RYR1: variants seen among roughly 807,000 people sequenced by gnomAD.
RYR1 encodes the protein central core disease of muscle.
A neutral mutation model predicts 583.5 loss-of-function variants in RYR1; 342 were observed. The observed-to-expected ratio is 0.59, with a 90% CI of 0.54 to 0.64. RYR1 has a LOEUF of 0.64. Ranked by LOEUF, RYR1 falls within the 30% of genes least tolerant of loss-of-function variation. RYR1 has a pLI of 0.00. For synonymous variants in RYR1, 2,791 were observed against 2,822.5 expected, an observed-to-expected ratio of 0.99 and a Z score of 0.35; for missense variants, 6,032 against 6,917.2, an observed-to-expected ratio of 0.87 and a Z score of 4.54.
At chr19:38,493,511 TTTTCG>T (rs1256279345) in intron 38 of RYR1, among the ~76,000 whole-genome samples, 2 of 147,172 alleles carry the variant, frequency 1.4e-5, no homozygotes, top group Non-Finnish European at 3.0e-5. Flanking sequence ...TTCTTTTTCT[TTTTCG>T]TTTTTTTTTT....
At position 38,468,962 on chromosome 19, in the gene RYR1, A is replaced by C. The variant is rs758050263; in HGVS notation, c.3382-4A>C. On this transcript the variant is annotated splice_region_variant and splice_polypyrimidine_tract_variant and intron_variant, in intron 25 of 105. Coordinates refer to ENST00000359596, the MANE Select transcript of RYR1 (RefSeq NM_000540.3). ...CACCATGTCTTCTCTGGCTGTCCTCACAGGGCCAGCGCTGGCACTTGGGCA... is the reference window on the plus strand; with the variant it reads ...CACCATGTCTTCTCTGGCTGTCCTCCCAGGGCCAGCGCTGGCACTTGGGCA... 1 of 1,613,556 alleles carries C rather than the reference A, an allele frequency of 6.2e-7. No individual in the cohort carries two copies. The highest frequency in any genetic ancestry group is 8.5e-7 in the Non-Finnish European group (1 of 1,179,892).
At chr19:38,453,159 CG>C in intron 13 of RYR1, 145 bp downstream of exon 13, 2 of 627,092 alleles carry the variant, frequency 3.2e-6, no homozygotes, top group East Asian at 7.8e-5. Flanking sequence ...GAGAAGGAGC[CG>C]GACAGGAACC....
Position 38,486,007 on chromosome 19 carries a change from C to A in RYR1, c.5352C>A (p.Ala1784=), listed in dbSNP as rs373382967. Residue 1784 remains alanine, a synonymous_variant, in exon 34 of 106, where the codon GCC becomes GCA. Transcript: ENST00000359596. ...ATTTCTCGCCCCCCTGTTTCGTGGC[C>A]GCTCTGCCAGCTGCTGGGGCAGCAG... ...PHHFSPPCFV[A]ALPAAGAAEA... is the part of the protein sequence containing the mutation. 15 of 1,613,394 alleles carry A rather than the reference C, an allele frequency of 9.3e-6. No homozygotes were observed. The African/African-American group carries it at 2.0e-4, about 22-fold the overall frequency.
In RYR1 at chr19:38,506,466, C is replaced by T. The variant is rs201663014; in HGVS notation, c.8617-5C>T. ...TCTAGCCCTTGACTCTGCATCCACT[C>T]CCAGGCCATGGCAGAACAACTGGCA... On this transcript the variant is annotated splice_region_variant and splice_polypyrimidine_tract_variant and intron_variant, in intron 55 of 105. Transcript: ENST00000359596. The T allele has an allele frequency of 1.4e-5, 22 of 1,614,076 alleles. No individual in the cohort carries two copies. The highest frequency in any genetic ancestry group is 1.8e-5 in the Non-Finnish European group (21 of 1,180,010).
At chr19:38,510,333 A>G (rs1970671076) in intron 58 of RYR1, among the ~76,000 whole-genome samples, 165 bp from the exon 59 acceptor site, 2 of 152,250 alleles carry the variant, frequency 1.3e-5, no homozygotes, top group South Asian at 2.1e-4. Context: ...GGGGAATCAG[A>G]TGAAAGATAG....
chr19:38,440,217 A>G (rs1452491265), intron 1 of RYR1, among the ~76,000 whole-genome samples: 1 of 152,210 alleles, frequency 6.6e-6, no homozygotes, highest in Non-Finnish European at 1.5e-5. Context: ...GCTTGAGTCC[A>G]GGAGGTCAAG....
intron 33 of RYR1, among the ~76,000 whole-genome samples, chr19:38,484,353 C>CTCTT (rs113862758): frequency 0.024 from 3,647 of 151,266 alleles, 48 homozygotes; most frequent in Admixed American, 0.035. Context: ...TCTGACATGC[C>CTCTT]TCTTTCTTTC....
At position 38,463,276 on chromosome 19, in the gene RYR1, C is replaced by T. The variant is rs867755358; in HGVS notation, c.2578-147C>T. 111 of 689,704 alleles carry T rather than the reference C, an allele frequency of 1.6e-4. No individual in the cohort carries two copies. The Middle Eastern group carries it at 3.9e-3, about 24-fold the overall frequency. 42.7% of individuals were successfully genotyped at this position (689,704 alleles called of 1,614,324 possible). On this transcript the variant is annotated intron_variant, in intron 20 of 105. Transcript: ENST00000359596. ...CTGAGTGTCAACCCTGGAGTCAAGG[C>T]GAGGGATGGGGAGCAGGGCTGCTGG...
rs1400840609 is a variant in RYR1, at chr19:38,502,929, G to C, written c.7885G>C (p.Asp2629His). The stretch of plus-strand genomic sequence containing the variant: ...GCACCTGTTGCGCCGCCTGGTGTTC[G>C]ACGTGCCCATCCTCAACGAGTTCGC... ...LQHLLRRLVF[D>H]VPILNEFAKM... The change falls in exon 49 of 106, where the codon GAC becomes CAC. Residue 2629 changes from aspartate (D) to histidine (H), a missense_variant. Asp to His is a moderately conservative substitution (Grantham distance 81). Around this residue, in one of 11 missense-constraint regions of RYR1, gnomAD observed 250 missense variants for 162.3 expected, o/e 1.54. Coordinates refer to ENST00000359596, the MANE Select transcript of RYR1 (RefSeq NM_000540.3). 1 of 1,611,544 alleles carries C rather than the reference G, an allele frequency of 6.2e-7. No individual in the cohort carries two copies. Among genetic ancestry groups the C allele is most frequent in the South Asian group, 1.1e-5 (1 of 91,074 alleles).
chr19:38,559,512 G>C (rs975030244), intron 89 of RYR1, among the ~76,000 whole-genome samples: 1 of 152,006 alleles, frequency 6.6e-6, no homozygotes, highest in Non-Finnish European at 1.5e-5. Context: ...GGGATTACAG[G>C]CATGAGCCAC....
chr19:38,492,296 C>A (rs1356313490), intron 37 of RYR1, among the ~76,000 whole-genome samples, 194 bp from the exon 38 acceptor site: 3 of 146,130 alleles, frequency 2.1e-5, no homozygotes, highest in African/African-American at 5.2e-5. Context: ...GCCTAGGAGG[C>A]AGAGGTTGCA....
chr19:38,434,889 A>C (rs536802796), intron 1 of RYR1, among the ~76,000 whole-genome samples: 9 of 152,212 alleles, frequency 5.9e-5, no homozygotes, highest in Non-Finnish European at 8.8e-5. Flanking sequence ...TTCCTGCCCC[A>C]GAATAGGACC....
rs763007509 is a variant in RYR1, at chr19:38,486,091, G to A, written c.5436G>A (p.Leu1812=). ...TGGAGGCCCTGCGGGACAAGGCACTGAGGATGCTGGGGGAGGCGGTGCGCG... is the reference window on the plus strand; with the variant it reads ...TGGAGGCCCTGCGGGACAAGGCACTAAGGATGCTGGGGGAGGCGGTGCGCG... The part of the protein sequence containing the change: ...IPLEALRDKA[L]RMLGEAVRDG... The change falls in exon 34 of 106, where the codon CTG becomes CTA. Residue 1812 remains leucine (L), a synonymous_variant. Transcript: ENST00000359596. 7.4e-6 allele frequency: 12 copies of A among 1,612,762 alleles called. No homozygotes were observed. Among genetic ancestry groups the A allele is most frequent in the Non-Finnish European group, 7.6e-6 (9 of 1,179,598 alleles).
At chr19:38,528,720 G>A in intron 75 of RYR1, 25 bp downstream of exon 75, 1 of 1,611,902 alleles carries the variant, frequency 6.2e-7, no homozygotes, top group Non-Finnish European at 8.5e-7. Context: ...GCCTGGGGGA[G>A]TGGGGGGCGA....
Position 38,486,383 on chromosome 19 carries a change from G to A in RYR1, c.5547+181G>A, listed in dbSNP as rs184522769. 1.6e-4 allele frequency among the ~76,000 whole-genome samples: 24 copies of A among 151,536 alleles called. No individual in the cohort carries two copies. In the East Asian group the frequency reaches 4.1e-3, roughly 26 times the overall value. On this transcript the variant is annotated intron_variant, in intron 34 of 105. Coordinates refer to ENST00000359596, the MANE Select transcript of RYR1 (RefSeq NM_000540.3). Reference sequence around the variant, plus strand: ...TTTTTCGAGACGGAGTCTCACTGTCGCCCAGGCTGGAGTGCAGTGGCGCAA... The same window carrying A: ...TTTTTCGAGACGGAGTCTCACTGTCACCCAGGCTGGAGTGCAGTGGCGCAA...
At chr19:38,550,208 A>G (rs911712191) in intron 89 of RYR1, among the ~76,000 whole-genome samples, 2 of 152,092 alleles carry the variant, frequency 1.3e-5, no homozygotes, top group African/African-American at 4.8e-5. Flanking sequence ...CCCTTGTTGA[A>G]TAAATTTCTT....
chr19:38,477,573 G>A (rs1365959532), intron 29 of RYR1, 137 bp from the exon 30 acceptor site: 3 of 972,790 alleles, frequency 3.1e-6, no homozygotes, highest in Non-Finnish European at 4.9e-6. Context: ...TAACCAGGGG[G>A]TGGGGGACTC....
chr19:38,486,351 T>A (rs1309071695), intron 34 of RYR1, 149 bp downstream of exon 34: 6 of 1,108,040 alleles, frequency 5.4e-6, no homozygotes, highest in Non-Finnish European at 7.9e-6. Context: ...CTTTTTATTA[T>A]TATTATTTTT....
chr19:38,504,378 C>T lies in RYR1; in HGVS notation c.8067+18C>T. The T allele has an allele frequency of 1.2e-6, 2 of 1,611,874 alleles. No homozygotes were observed. Among genetic ancestry groups the T allele is most frequent in the Non-Finnish European group, 1.7e-6 (2 of 1,178,296 alleles). On this transcript the variant is annotated intron_variant, in intron 50 of 105. Transcript: ENST00000359596. ...CCCATAAGGTCTGGGCAGCAGGGAGCCCCAAAATGGCCTATGTGGAGGGTT... is the reference window on the plus strand; with the variant it reads ...CCCATAAGGTCTGGGCAGCAGGGAGTCCCAAAATGGCCTATGTGGAGGGTT...
Sources: allele counts gnomAD v4.1 joint callset (sites outside exome capture counted in the v4.1 genomes callset), GRCh38; gene constraint gnomAD v4.1.1; regional missense constraint gnomAD v4.1.1; transcripts MANE v1.5; gene names NCBI Gene and HGNC (gene_info 2026-07-23, HGNC 2026-07-21).